The following AFF3 variants were observed in gnomAD, a reference collection of about 807,000 sequenced individuals.
The protein encoded by AFF3 is ALF transcription elongation factor 3.
In AFF3, 32 loss-of-function variants were observed where a neutral mutation model predicts 129.7. The observed-to-expected ratio is 0.25, with a 90% CI of 0.19 to 0.33. The LOEUF (loss-of-function observed/expected upper bound fraction) is 0.33, where lower values mean the gene tolerates loss of function less well. Ranked by LOEUF, AFF3 falls within the 10% of genes least tolerant of loss-of-function variation. The pLI is 1.00. For synonymous variants in AFF3, 644 were observed against 635.4 expected (o/e 1.01, Z -0.20); for missense variants, 1,373 against 1,592.0 (o/e 0.86, Z 2.34).
At chr2:99,586,020 C>T (rs72817022) in intron 16 of AFF3, among the ~76,000 whole-genome samples, 25,437 of 152,254 alleles carry the variant, frequency 0.17, 2,268 homozygotes, top group South Asian at 0.22. Context: ...TGAGCCACCG[C>T]ACCCGGCCAA....
chr2:99,578,558 T>A, intron 17 of AFF3, 107 bp from the exon 18 acceptor site: 2 of 1,486,134 alleles, frequency 1.3e-6, no homozygotes, highest in Non-Finnish European at 1.8e-6. Flanking sequence ...CAGAACATCT[T>A]TGTGTGCTGT....
At chr2:99,777,753 C>A (rs1231808954) in intron 8 of AFF3, among the ~76,000 whole-genome samples, 4 of 151,854 alleles carry the variant, frequency 2.6e-5, no homozygotes. Flanking sequence ...AAGTGCTGGT[C>A]TTGGCCAGGC....
At chr2:100,032,245 G>A (rs1684552817) in intron 4 of AFF3, among the ~76,000 whole-genome samples, 1 of 152,158 alleles carries the variant, frequency 6.6e-6, no homozygotes, top group Non-Finnish European at 1.5e-5. Context: ...AGCCAACATG[G>A]TGAAACCCCG....
intron 8 of AFF3, among the ~76,000 whole-genome samples, chr2:99,769,799 C>T (rs1683321568): frequency 6.6e-6 from 1 of 152,236 alleles, no homozygotes; most frequent in Non-Finnish European, 1.5e-5. Context: ...CTCTGGAATA[C>T]CAGACAGAAA....
At chr2:99,814,593 C>T (rs1033467505) in intron 8 of AFF3, among the ~76,000 whole-genome samples, 3 of 152,168 alleles carry the variant, frequency 2.0e-5, no homozygotes, top group African/African-American at 7.2e-5. Context: ...ATCTCCAATG[C>T]CAGCTCACAG....
intron 4 of AFF3, among the ~76,000 whole-genome samples, chr2:100,047,252 G>GCCCAATGTA (rs541281098): frequency 1.3e-5 from 2 of 152,156 alleles, no homozygotes; most frequent in Non-Finnish European, 2.9e-5. Context: ...TTTAACATGT[G>GCCCAATGTA]CCCAATGTAC....
chr2:99,616,573 G>A (rs549100933), intron 13 of AFF3, among the ~76,000 whole-genome samples: 3 of 152,044 alleles, frequency 2.0e-5, no homozygotes, highest in Non-Finnish European at 4.4e-5. Context: ...GACCAATATG[G>A]TGAAACCCTG....
At chr2:99,974,250 G>C (rs773104010) in intron 7 of AFF3, among the ~76,000 whole-genome samples, 3 of 151,990 alleles carry the variant, frequency 2.0e-5, no homozygotes, top group Non-Finnish European at 4.4e-5. Context: ...CTATTTGATT[G>C]AAACTGATTA....
At chr2:100,091,862 T>C (rs200409627) in intron 4 of AFF3, among the ~76,000 whole-genome samples, 53,850 of 109,238 alleles carry the variant, frequency 0.49, 12,729 homozygotes, top group African/African-American at 0.61. Flanking sequence ...TCTTTCACCC[T>C]CACTGCCAAC....
At chr2:99,626,242 C>T (rs879679635) in intron 13 of AFF3, among the ~76,000 whole-genome samples, 26 of 152,316 alleles carry the variant, frequency 1.7e-4, no homozygotes, top group Middle Eastern at 3.4e-3. Context: ...TTCCCAAGCT[C>T]ACGTTTGTTG....
chr2:99,694,581 T>C (rs2104701124), intron 11 of AFF3, among the ~76,000 whole-genome samples: 1 of 152,300 alleles, frequency 6.6e-6, no homozygotes, highest in East Asian at 1.9e-4. Flanking sequence ...CCCCACACGC[T>C]GAATCATTCT....
chr2:99,837,422 C>G, intron 8 of AFF3, 55 bp downstream of exon 8: 1 of 1,537,882 alleles, frequency 6.5e-7, no homozygotes, highest in Middle Eastern at 1.7e-4. Context: ...GGTTTCCTTT[C>G]TATTTAGAGT....
At chr2:99,837,354 T>A in intron 8 of AFF3, 123 bp downstream of exon 8, 2 of 930,046 alleles carry the variant, frequency 2.2e-6, no homozygotes, top group Non-Finnish European at 3.3e-6. Flanking sequence ...ATGTGACTAC[T>A]CTCAGAAAAG....
chr2:99,985,103 A>G (rs918497143), intron 7 of AFF3, among the ~76,000 whole-genome samples: 1 of 152,170 alleles, frequency 6.6e-6, no homozygotes, highest in Non-Finnish European at 1.5e-5. Context: ...AAACAAATAC[A>G]CAGATGTGAG....
At chr2:99,914,998 T>C (rs1355467598) in intron 7 of AFF3, among the ~76,000 whole-genome samples, 1 of 152,106 alleles carries the variant, frequency 6.6e-6, no homozygotes, top group Non-Finnish European at 1.5e-5. Flanking sequence ...AACACATGTG[T>C]TATACATACA....
intron 7 of AFF3, among the ~76,000 whole-genome samples, chr2:99,844,470 C>T (rs1689580221): frequency 9.7e-6 from 1 of 103,162 alleles, no homozygotes; most frequent in Non-Finnish European, 1.8e-5. Flanking sequence ...CAGAGTCTTG[C>T]TCTGTCTCCC....
At chr2:100,046,722 C>T (rs1207902493) in intron 4 of AFF3, among the ~76,000 whole-genome samples, 1 of 152,112 alleles carries the variant, frequency 6.6e-6, no homozygotes, top group Non-Finnish European at 1.5e-5. Flanking sequence ...TTTATGTTCA[C>T]TTTTTGGTCA....
chr2:100,107,996 G>A (rs1205433372), intron 2 of AFF3, among the ~76,000 whole-genome samples: 1 of 150,786 alleles, frequency 6.6e-6, no homozygotes, highest in East Asian at 2.0e-4. Flanking sequence ...CTGGCCAAAA[G>A]CTGGCTCTGC....
intron 7 of AFF3, among the ~76,000 whole-genome samples, chr2:99,986,182 C>A (rs564500877): frequency 6.7e-6 from 1 of 148,254 alleles, no homozygotes; most frequent in African/African-American, 2.5e-5. Context: ...GCCTGGGCGA[C>A]AGAGCGAGAC....
Sources: gnomAD v4.1 joint callset for allele counts (sites outside exome capture counted in the v4.1 genomes callset) on GRCh38, gnomAD v4.1.1 for gene constraint, MANE v1.5 for transcripts, NCBI Gene and HGNC (gene_info 2026-07-23, HGNC 2026-07-21) for gene names.